HECW2: variants seen among roughly 807,000 people sequenced by gnomAD.
The protein encoded by HECW2 is HECT, C2 and WW domain containing E3 ubiquitin protein ligase 2, also known as E3 ubiquitin-protein ligase HECW2.
A neutral mutation model predicts 175.2 loss-of-function variants in HECW2; 61 were observed. That is an observed-to-expected ratio of 0.35 (90% CI 0.28 to 0.43). The LOEUF is 0.43. HECW2 is among the 20% of genes least tolerant of loss of function. The probability of loss-of-function intolerance (pLI) is 1.00; values close to 1 mark genes in which losing one functional copy is unlikely to be tolerated. For synonymous variants in HECW2, 671 were observed against 731.0 expected, an observed-to-expected ratio of 0.92 and a Z score of 1.32; for missense variants, 1,524 against 2,000.5, an observed-to-expected ratio of 0.76 and a Z score of 4.54.
Position 196,195,393 on chromosome 2 carries a change from A to AATCACATAT in HECW2, c.*5875_*5883dup. On this transcript the variant is annotated 3_prime_UTR_variant, in exon 29 of 29. Transcript: ENST00000644978. Reference sequence around the variant, plus strand: ...CCTGCCCAAGGGCACTACACATAAAAATCACATATATAAATTTAATTCTCC... The same window carrying AATCACATAT: ...CCTGCCCAAGGGCACTACACATAAAAATCACATATATCACATATATAAATTTAATTCTCC... 6.6e-6 allele frequency: 1 copy of AATCACATAT among 152,348 alleles called. No homozygotes were observed. Among genetic ancestry groups the AATCACATAT allele is most frequent in the South Asian group, 2.1e-4 (1 of 4,834 alleles). The allele number at this position is 152,348 out of a possible 1,614,324, so 9.4% of individuals were successfully genotyped here. A position where few individuals can be genotyped will look rare whatever the true frequency, so the allele number is the denominator to read the frequency against.
intron 13 of HECW2, among the ~76,000 whole-genome samples, chr2:196,305,185 A>G (rs1353872495): frequency 2.0e-5 from 3 of 152,200 alleles, no homozygotes; most frequent in African/African-American, 4.8e-5. Flanking sequence ...AGTTGCTGTC[A>G]TCTCTGTATC....
chr2:196,400,472 G>T (rs570451860), intron 2 of HECW2, among the ~76,000 whole-genome samples: 1 of 152,166 alleles, frequency 6.6e-6, no homozygotes, highest in East Asian at 1.9e-4. Flanking sequence ...ACTGAAACAG[G>T]ATAGCCTAGA....
At chr2:196,539,342 T>A (rs553153376) in intron 1 of HECW2, among the ~76,000 whole-genome samples, 3 of 152,312 alleles carry the variant, frequency 2.0e-5, no homozygotes, top group African/African-American at 7.2e-5. Context: ...AAACAAATAC[T>A]TTTACGTAGG....
chr2:196,374,285 A>G (rs1260419006), intron 2 of HECW2, among the ~76,000 whole-genome samples: 2 of 152,172 alleles, frequency 1.3e-5, no homozygotes, highest in East Asian at 3.8e-4. Context: ...CTGCAAAATT[A>G]TATGTACAAT....
chr2:196,473,167 T>C (rs925843229), intron 1 of HECW2, among the ~76,000 whole-genome samples: 13 of 152,184 alleles, frequency 8.5e-5, no homozygotes, highest in Non-Finnish European at 1.2e-4. Context: ...AAAATCAAAC[T>C]AGGATAAGTG....
At chr2:196,429,174 T>G (rs1487559393) in intron 2 of HECW2, among the ~76,000 whole-genome samples, 1 of 152,150 alleles carries the variant, frequency 6.6e-6, no homozygotes, top group Non-Finnish European at 1.5e-5. Context: ...AAGAACCGAG[T>G]CACATGTCTA....
intron 17 of HECW2, among the ~76,000 whole-genome samples, chr2:196,268,986 A>C (rs1239947666): frequency 6.6e-6 from 1 of 152,176 alleles, no homozygotes; most frequent in East Asian, 1.9e-4. Context: ...CAAAATCTTC[A>C]CTTGCATAAT....
At chr2:196,424,549 G>A (rs1206016367) in intron 2 of HECW2, among the ~76,000 whole-genome samples, 2 of 152,036 alleles carry the variant, frequency 1.3e-5, no homozygotes, top group African/African-American at 4.8e-5. Flanking sequence ...AAGTACATAC[G>A]AATGATAAGA....
intron 2 of HECW2, among the ~76,000 whole-genome samples, chr2:196,387,757 A>C (rs1694391135): frequency 6.6e-6 from 1 of 152,192 alleles, no homozygotes; most frequent in South Asian, 2.1e-4. Context: ...GCATGAAGTC[A>C]ACAGTAGAAA....
intron 28 of HECW2, among the ~76,000 whole-genome samples, chr2:196,204,690 A>G (rs1049657431): frequency 6.6e-6 from 1 of 152,204 alleles, no homozygotes; most frequent in Non-Finnish European, 1.5e-5. Context: ...TTACACTGCT[A>G]AATTTGTGGT....
chr2:196,237,022 A>C (rs6705212), intron 21 of HECW2, among the ~76,000 whole-genome samples: 19,661 of 152,218 alleles, frequency 0.13, 1,631 homozygotes, highest in African/African-American at 0.23. Flanking sequence ...TTTTTAGTGA[A>C]ACCTTTCACC....
At chr2:196,276,708 T>C (rs182414555) in intron 15 of HECW2, among the ~76,000 whole-genome samples, 30 of 152,372 alleles carry the variant, frequency 2.0e-4, no homozygotes, top group Admixed American at 1.4e-3. Flanking sequence ...ATTTATTAGC[T>C]ACTCATAAAA....
At chr2:196,286,748 T>TA (rs1457176165) in intron 14 of HECW2, among the ~76,000 whole-genome samples, 2 of 152,216 alleles carry the variant, frequency 1.3e-5, no homozygotes, top group Non-Finnish European at 2.9e-5. Flanking sequence ...TTAAACCAGA[T>TA]ACCCACCACA....
chr2:196,353,357 C>T (rs757451070), intron 2 of HECW2, among the ~76,000 whole-genome samples: 147 of 152,328 alleles, frequency 9.7e-4, no homozygotes, highest in Admixed American at 2.0e-3. Flanking sequence ...TGCTCAATTT[C>T]CTATCCATAA....
chr2:196,375,831 T>C (rs1431009686), intron 2 of HECW2, among the ~76,000 whole-genome samples: 2 of 152,272 alleles, frequency 1.3e-5, no homozygotes, highest in Non-Finnish European at 2.9e-5. Flanking sequence ...TATGCAGATA[T>C]TATGAATGAC....
chr2:196,439,278 T>C (rs756640718), intron 1 of HECW2, among the ~76,000 whole-genome samples: 13 of 152,188 alleles, frequency 8.5e-5, no homozygotes, highest in Non-Finnish European at 1.8e-4. Flanking sequence ...CCTAAGAGCC[T>C]GGGGAGAGGA....
At chr2:196,235,541 A>C (rs1688214060) in intron 21 of HECW2, among the ~76,000 whole-genome samples, 1 of 151,912 alleles carries the variant, frequency 6.6e-6, no homozygotes, top group South Asian at 2.1e-4. Context: ...ATTCTATTTT[A>C]GGAACAATTT....
At chr2:196,282,745 A>G (rs1352186549) in intron 14 of HECW2, among the ~76,000 whole-genome samples, 1 of 152,180 alleles carries the variant, frequency 6.6e-6, no homozygotes, top group Non-Finnish European at 1.5e-5. Flanking sequence ...ATTTCTTATC[A>G]GACTCAAAGG....
chr2:196,269,353 T>G (rs376104042), intron 17 of HECW2: 1 of 151,634 alleles, frequency 6.6e-6, no homozygotes, highest in Non-Finnish European at 1.5e-5. Flanking sequence ...GGTGTTGCGG[T>G]GGGCACCTGT....
Sources: gnomAD v4.1 joint callset for allele counts (sites outside exome capture counted in the v4.1 genomes callset) on GRCh38, gnomAD v4.1.1 for gene constraint, MANE v1.5 for transcripts, NCBI Gene and HGNC (gene_info 2026-07-23, HGNC 2026-07-21) for gene names.